Variants in PACRG observed in about 807,000 individuals in gnomAD.
PACRG encodes parkin coregulated.
PACRG carries 29 observed loss-of-function variants against 29.7 expected under a neutral mutation model. That is an observed-to-expected ratio of 0.98 (90% CI 0.73 to 1.33). The LOEUF (loss-of-function observed/expected upper bound fraction) is 1.33, where lower values mean the gene tolerates loss of function less well. PACRG is among the 40% of genes most tolerant of loss of function. The pLI is 0.00. For missense variants in PACRG, 279 were observed against 316.2 expected (o/e 0.88, Z 0.89); for synonymous variants, 116 against 118.7 (o/e 0.98, Z 0.15).
At chr6:163,099,078 C>T (rs1814854964) in intron 4 of PACRG, among the ~76,000 whole-genome samples, 1 of 152,204 alleles carries the variant, frequency 6.6e-6, no homozygotes, top group Non-Finnish European at 1.5e-5. Flanking sequence ...TCTGGGGATG[C>T]AGCCCAGTGG....
At chr6:163,150,676 C>A (rs955289194) in intron 4 of PACRG, among the ~76,000 whole-genome samples, 2 of 152,208 alleles carry the variant, frequency 1.3e-5, no homozygotes, top group African/African-American at 4.8e-5. Context: ...TACCCGTACC[C>A]GGGTCATGAT....
At chr6:162,926,852 A>C (rs1797477205) in intron 2 of PACRG, among the ~76,000 whole-genome samples, 1 of 152,212 alleles carries the variant, frequency 6.6e-6, no homozygotes, top group African/African-American at 2.4e-5. Flanking sequence ...GGAAACTGTC[A>C]TCAGAGCAAA....
rs115575232 is a variant in PACRG at position 162,776,931 on chromosome 6, A to G, written c.157-37216A>G. ...AAGAATGATACGTTGGACTTTGGGG[A>G]AAGGGTGGCAGGGGGATGAGGGATA... On this transcript the variant is annotated intron_variant, in intron 1 of 4. Transcript: ENST00000366888. 6.9e-3 allele frequency among the ~76,000 whole-genome samples: 1,050 copies of G among 152,222 alleles called. 19 individuals carry two copies. Among genetic ancestry groups the G allele is most frequent in the African/African-American group, 0.024 (1,009 of 41,526 alleles).
intron 4 of PACRG, among the ~76,000 whole-genome samples, chr6:163,267,664 C>T (rs1388103590): frequency 6.6e-6 from 1 of 152,122 alleles, no homozygotes; most frequent in Non-Finnish European, 1.5e-5. Context: ...TGTATATGTG[C>T]AGATCTTCTA....
At chr6:163,177,710 A>ATTTTTTTGTTTTTTTTT (rs1779442050) in intron 4 of PACRG, among the ~76,000 whole-genome samples, 1 of 53,744 alleles carries the variant, frequency 1.9e-5, no homozygotes, top group African/African-American at 7.3e-5. Flanking sequence ...TAGAAAAGGG[A>ATTTTTTTGTTTTTTTTT]TTTTTTTTTT....
chr6:163,202,051 C>T (rs576576871), intron 4 of PACRG, among the ~76,000 whole-genome samples: 1 of 152,160 alleles, frequency 6.6e-6, no homozygotes, highest in Non-Finnish European at 1.5e-5. Context: ...GGAAGCAGTG[C>T]GAGCAAACGC....
chr6:163,308,740 C>T (rs899785212), intron 4 of PACRG, among the ~76,000 whole-genome samples: 2 of 151,398 alleles, frequency 1.3e-5, no homozygotes, highest in African/African-American at 4.9e-5. Flanking sequence ...CGTCAAGAAA[C>T]ATGATAATAA....
At chr6:163,285,058 T>C (rs978723827) in intron 4 of PACRG, among the ~76,000 whole-genome samples, 2 of 152,072 alleles carry the variant, frequency 1.3e-5, no homozygotes, top group African/African-American at 4.8e-5. Flanking sequence ...CATGCACTGG[T>C]CCACTTGAGC....
intron 4 of PACRG, chr6:163,190,527 C>G (rs904248232): frequency 1.3e-5 from 2 of 153,778 alleles, no homozygotes; most frequent in African/African-American, 2.4e-5. Context: ...TGCCTAGCAG[C>G]ACAAGGGACT....
intron 2 of PACRG, among the ~76,000 whole-genome samples, chr6:162,819,359 T>C (rs1787637243): frequency 6.6e-6 from 1 of 152,204 alleles, no homozygotes; most frequent in Admixed American, 6.5e-5. Context: ...AAATGACTTA[T>C]TAATCAGGTA....
chr6:163,017,802 TTTATC>T (rs764055046), intron 2 of PACRG, among the ~76,000 whole-genome samples: 13 of 152,146 alleles, frequency 8.5e-5, no homozygotes, highest in Non-Finnish European at 1.8e-4. Context: ...ATTTTTACAT[TTTATC>T]TTTTTCTATT....
At chr6:162,886,641 A>G (rs1441610264) in intron 2 of PACRG, among the ~76,000 whole-genome samples, 1 of 152,130 alleles carries the variant, frequency 6.6e-6, no homozygotes, top group Non-Finnish European at 1.5e-5. Flanking sequence ...TTTTCAAGTT[A>G]TGCTGTTTTC....
chr6:163,058,461 T>A (rs1356149416), intron 2 of PACRG, among the ~76,000 whole-genome samples: 2 of 152,190 alleles, frequency 1.3e-5, no homozygotes, highest in African/African-American at 4.8e-5. Flanking sequence ...GCAAATAATG[T>A]ACAAACAGGT....
At chr6:162,869,535 C>A (rs1452722599) in intron 2 of PACRG, among the ~76,000 whole-genome samples, 1 of 152,096 alleles carries the variant, frequency 6.6e-6, no homozygotes, top group Non-Finnish European at 1.5e-5. Context: ...ATGTGCTTTG[C>A]CCTTGCTCTG....
At chr6:163,195,870 C>T (rs192301795) in intron 4 of PACRG, among the ~76,000 whole-genome samples, 1 of 152,314 alleles carries the variant, frequency 6.6e-6, no homozygotes, top group Non-Finnish European at 1.5e-5. Flanking sequence ...TCTCCGCTGG[C>T]TCCCCAGCAT....
intron 2 of PACRG, among the ~76,000 whole-genome samples, chr6:163,041,382 G>GCT (rs1808700771): frequency 6.6e-6 from 1 of 152,120 alleles, no homozygotes. Flanking sequence ...TCAAGGGAGG[G>GCT]ACCTGGTGGG....
At position 163,256,867 on chromosome 6, in the gene PACRG, C is replaced by T. The variant is rs552994255; in HGVS notation, c.614-57960C>T. 5.9e-5 allele frequency among the ~76,000 whole-genome samples: 9 copies of T among 152,114 alleles called. No homozygotes were observed. In the South Asian group the frequency reaches 6.2e-4, roughly 11 times the overall value. On this transcript the variant is annotated intron_variant, in intron 4 of 4. Transcript: ENST00000366888. ...CTCACAGTTGCAGAGGCCAAAAGTC[C>T]GAAATCAAGGTGTTGGCCATGTCGT...
chr6:163,141,950 G>A (rs1044955404), intron 4 of PACRG, among the ~76,000 whole-genome samples: 7 of 152,060 alleles, frequency 4.6e-5, no homozygotes, highest in Admixed American at 1.3e-4. Context: ...ACCCAGTAGC[G>A]ATAGTCCTTT....
chr6:163,108,652 G>C (rs755422524), intron 4 of PACRG, among the ~76,000 whole-genome samples: 14 of 152,004 alleles, frequency 9.2e-5, no homozygotes, highest in Non-Finnish European at 1.5e-4. Flanking sequence ...ACCTCTCAAA[G>C]TGCTGGGATT....
Sources: allele counts gnomAD v4.1 joint callset (sites outside exome capture counted in the v4.1 genomes callset), GRCh38; gene constraint gnomAD v4.1.1; transcripts MANE v1.5; gene names NCBI Gene and HGNC (gene_info 2026-07-23, HGNC 2026-07-21).